Variants in MTSS1 observed in about 807,000 individuals in gnomAD.
MTSS1 encodes the protein MTSS I-BAR domain containing 1.
In MTSS1, 18 loss-of-function variants were observed where a neutral mutation model predicts 79.0. The observed-to-expected ratio is 0.23, with a 90% CI of 0.16 to 0.34. The LOEUF (loss-of-function observed/expected upper bound fraction) is 0.34. MTSS1 is among the 10% of genes least tolerant of loss of function. MTSS1 has a pLI of 1.00. For synonymous variants in MTSS1, 341 were observed against 368.6 expected (o/e 0.93, Z 0.86); for missense variants, 815 against 986.2 (o/e 0.83, Z 2.33).
chr8:124,616,371 T>TA lies in MTSS1; in HGVS notation c.209-25137dup, dbSNP rs68110053. Among the ~76,000 whole-genome samples the TA allele has an allele frequency of 3.9e-3, 463 of 119,596 alleles. 3 individuals carry two copies. The highest frequency in any genetic ancestry group is 9.8e-3 in the African/African-American group (323 of 32,890). 78.5% of individuals were successfully genotyped at this position (119,596 alleles called of 152,430 possible). On this transcript the variant is annotated intron_variant, in intron 3 of 13. Transcript: ENST00000518547. ...TGTTAAGTGTGCCTGTTTCAGGCAG[T>TA]AAAAAAAAAAAAAAAAAAAAAAAAT...
chr8:124,612,573 A>T (rs1836014083), intron 3 of MTSS1, among the ~76,000 whole-genome samples: 1 of 119,750 alleles, frequency 8.4e-6, no homozygotes, highest in Admixed American at 8.4e-5. Context: ...CCAAGTTTAA[A>T]ATGTGTGTGT....
At chr8:124,567,826 G>A in intron 7 of MTSS1, 1 of 1,511,800 alleles carries the variant, frequency 6.6e-7, no homozygotes, top group South Asian at 1.2e-5. Context: ...AAATGAGCTG[G>A]TACCTTCGAA....
At chr8:124,591,281 G>A (rs762822433) in intron 3 of MTSS1, 46 bp from the exon 4 acceptor site, 16 of 1,462,814 alleles carry the variant, frequency 1.1e-5, no homozygotes, top group Non-Finnish European at 1.5e-5. Flanking sequence ...AGACTAGCAG[G>A]GATCATGGAG....
At chr8:124,629,739 C>A (rs1248893707) in intron 3 of MTSS1, among the ~76,000 whole-genome samples, 5 of 152,068 alleles carry the variant, frequency 3.3e-5, no homozygotes, top group Admixed American at 6.5e-5. Context: ...CACACAGAGG[C>A]CACAGCCTGC....
chr8:124,672,957 C>A (rs11775638), intron 3 of MTSS1, among the ~76,000 whole-genome samples: 14,775 of 150,584 alleles, frequency 0.098, 826 homozygotes, highest in South Asian at 0.17. Flanking sequence ...GAAATGAGAC[C>A]TCTCATTTAT....
rs200138589 is a variant in MTSS1, at chr8:124,663,886, C to A, written c.208+35640G>T. Among the ~76,000 whole-genome samples the A allele has an allele frequency of 2.0e-5, 3 of 152,158 alleles. 1 individual carries two copies. Among genetic ancestry groups the A allele is most frequent in the Admixed American group, 2.0e-4 (3 of 15,274 alleles). On this transcript the variant is annotated intron_variant, in intron 3 of 13. Transcript: ENST00000518547. ...TGACAGAGAGAAGCCTAGGGCATCA[C>A]GGAGCACAGAGAGGAGCGCAGATCA...
chr8:124,643,187 C>T (rs187116731), intron 3 of MTSS1, among the ~76,000 whole-genome samples: 333 of 152,196 alleles, frequency 2.2e-3, no homozygotes, highest in African/African-American at 7.8e-3. Context: ...CAAATGCTTA[C>T]GGCCCTCACT....
At chr8:124,707,403 AC>A (rs1214131839) in intron 1 of MTSS1, among the ~76,000 whole-genome samples, 20 of 149,260 alleles carry the variant, frequency 1.3e-4, no homozygotes, top group South Asian at 2.1e-4. Context: ...AAAAAAAAAA[AC>A]AAACAAACAA....
intron 6 of MTSS1, among the ~76,000 whole-genome samples, chr8:124,573,207 C>T (rs940823129): frequency 1.3e-5 from 2 of 152,226 alleles, no homozygotes; most frequent in South Asian, 4.1e-4. Flanking sequence ...TTCTCTCCCT[C>T]TCTCCTCTCC....
In MTSS1 at chr8:124,597,153, T is replaced by C. The variant is rs1444807694; in HGVS notation, c.209-5918A>G. Among the ~76,000 whole-genome samples the C allele has an allele frequency of 6.6e-6, 1 of 151,998 alleles. No homozygotes were observed. The highest frequency in any genetic ancestry group is 2.4e-5 in the African/African-American group (1 of 41,368). Reference sequence around the variant, plus strand: ...CCCTTGAGCAGCTTACAAAGATTGGTTGGATGGACACAGATAAAATGGTGC... The same window carrying C: ...CCCTTGAGCAGCTTACAAAGATTGGCTGGATGGACACAGATAAAATGGTGC... On this transcript the variant is annotated intron_variant, in intron 3 of 13. Coordinates refer to ENST00000518547, the MANE Select transcript of MTSS1 (RefSeq NM_014751.6). The surrounding 1 kb of genome is among the most constrained non-coding windows in gnomAD (Gnocchi z 4.6).
Position 124,552,815 on chromosome 8 carries a change from A to G in MTSS1, c.*177T>C, listed in dbSNP as rs1822737991. 1.8e-6 allele frequency: 1 copy of G among 551,160 alleles called. No individual in the cohort carries two copies. The highest frequency in any genetic ancestry group is 2.8e-5 in the East Asian group (1 of 35,454). The allele number at this position is 551,160 out of a possible 1,614,324, so 34.1% of individuals were successfully genotyped here. A position where few individuals can be genotyped will look rare whatever the true frequency, so the allele number is the denominator to read the frequency against. Reference sequence around the variant, plus strand: ...ATTTACAAATTAAAAGATCAAGATTATGTCAGTTACATAGGTTGGTTTTAA... The same window carrying G: ...ATTTACAAATTAAAAGATCAAGATTGTGTCAGTTACATAGGTTGGTTTTAA... On this transcript the variant is annotated 3_prime_UTR_variant, in exon 14 of 14. Transcript: ENST00000518547.
At chr8:124,598,210 G>T (rs1348099933) in intron 3 of MTSS1, among the ~76,000 whole-genome samples, 1 of 152,104 alleles carries the variant, frequency 6.6e-6, no homozygotes, top group South Asian at 2.1e-4. Flanking sequence ...TGAGAGGATC[G>T]CTTGAACTCA....
At chr8:124,703,308 T>C (rs1183461876) in intron 2 of MTSS1, among the ~76,000 whole-genome samples, 2 of 152,236 alleles carry the variant, frequency 1.3e-5, no homozygotes, top group Non-Finnish European at 2.9e-5. Flanking sequence ...TTATTTTCTT[T>C]TGAGGTGGAC....
At chr8:124,654,761 C>T (rs1820628919) in intron 3 of MTSS1, among the ~76,000 whole-genome samples, 1 of 152,098 alleles carries the variant, frequency 6.6e-6, no homozygotes, top group Non-Finnish European at 1.5e-5. Context: ...GTAATGTACC[C>T]ATTAGTAAAC....
chr8:124,647,495 T>C (rs1277379312), intron 3 of MTSS1, among the ~76,000 whole-genome samples: 1 of 152,224 alleles, frequency 6.6e-6, no homozygotes, highest in East Asian at 1.9e-4. Flanking sequence ...AGTCTTCTTA[T>C]TAACCACAGT....
Position 124,552,899 on chromosome 8 carries a change from A to ATCTT in MTSS1, c.*89_*92dup. Reference sequence around the variant, plus strand: ...AGCTATATTCCGAGTTGCCTACAAAATCTTTTGTTTTATTATAGAGTGGAA... The same window carrying ATCTT: ...AGCTATATTCCGAGTTGCCTACAAAATCTTTCTTTTGTTTTATTATAGAGTGGAA... On this transcript the variant is annotated 3_prime_UTR_variant, in exon 14 of 14. Coordinates refer to ENST00000518547, the MANE Select transcript of MTSS1 (RefSeq NM_014751.6). The ATCTT allele has an allele frequency of 7.5e-7, 1 of 1,337,874 alleles. No individual in the cohort carries two copies. Among genetic ancestry groups the ATCTT allele is most frequent in the Non-Finnish European group, 1.0e-6 (1 of 976,812 alleles). The allele number at this position is 1,337,874 out of a possible 1,614,324, so 82.9% of individuals were successfully genotyped here.
In MTSS1 at chr8:124,639,154, T is replaced by C. The variant is rs112597113; in HGVS notation, c.209-47919A>G. Among the ~76,000 whole-genome samples, 371 of 152,168 alleles carry C rather than the reference T, an allele frequency of 2.4e-3. 3 individuals are homozygous for C. Among genetic ancestry groups the C allele is most frequent in the African/African-American group, 8.7e-3 (360 of 41,514 alleles). ...GAGTTCCAGACCAGCCTGGCCAACATGGTGAAACCCCATCTCTACTAAAAA... is the reference window on the plus strand; with the variant it reads ...GAGTTCCAGACCAGCCTGGCCAACACGGTGAAACCCCATCTCTACTAAAAA... On this transcript the variant is annotated intron_variant, in intron 3 of 13. Coordinates refer to ENST00000518547, the MANE Select transcript of MTSS1 (RefSeq NM_014751.6).
At chr8:124,712,997 T>G (rs1831391556) in intron 1 of MTSS1, among the ~76,000 whole-genome samples, 1 of 152,194 alleles carries the variant, frequency 6.6e-6, no homozygotes, top group South Asian at 2.1e-4. Context: ...AACAAATATG[T>G]CAACCATATC....
chr8:124,716,676 A>G (rs1832042126), intron 1 of MTSS1, among the ~76,000 whole-genome samples: 1 of 152,198 alleles, frequency 6.6e-6, no homozygotes, highest in Admixed American at 6.5e-5. Context: ...ACTTTTGCTC[A>G]TTAAAAATTA....
Sources: allele counts gnomAD v4.1 joint callset (sites outside exome capture counted in the v4.1 genomes callset), GRCh38; gene constraint gnomAD v4.1.1; non-coding constraint Gnocchi (gnomAD v3.1); transcripts MANE v1.5; gene names NCBI Gene and HGNC (gene_info 2026-07-23, HGNC 2026-07-21).